Variants in KAZN observed in about 807,000 individuals in gnomAD.
KAZN encodes kazrin.
Under a neutral mutation model 87.4 loss-of-function variants are expected in KAZN, and 40 were observed. The ratio of observed to expected loss-of-function variants is 0.46; its 90% CI spans 0.36 to 0.60. The LOEUF is 0.60. Among genes scored for constraint, KAZN ranks in the 20% least tolerant of loss-of-function variants. KAZN has a pLI of 0.00. For missense variants in KAZN, 898 were observed against 1,073.9 expected, an observed-to-expected ratio of 0.84 and a Z score of 2.29; for synonymous variants, 466 against 458.3, an observed-to-expected ratio of 1.02 and a Z score of -0.22.
chr1:15,011,853 A>G (rs1429588574), intron 2 of KAZN, among the ~76,000 whole-genome samples: 1 of 152,144 alleles, frequency 6.6e-6, no homozygotes, highest in Non-Finnish European at 1.5e-5. Flanking sequence ...CTTTAGGACC[A>G]AAAAGAGGAA....
intron 3 of KAZN, among the ~76,000 whole-genome samples, 155 bp from the exon 4 acceptor site, chr1:15,043,834 G>A (rs567224245): frequency 2.6e-4 from 40 of 151,764 alleles, no homozygotes; most frequent in African/African-American, 9.2e-4. Context: ...TAGTAGAGAC[G>A]GGGTTTCACC....
intron 1 of KAZN, among the ~76,000 whole-genome samples, chr1:13,924,037 G>A (rs113538788): frequency 0.032 from 4,880 of 152,206 alleles, 275 homozygotes; most frequent in African/African-American, 0.11. Flanking sequence ...AATATGGGGT[G>A]GTGGGGAAGA....
intron 2 of KAZN, among the ~76,000 whole-genome samples, chr1:14,977,134 G>A (rs1015547964): frequency 1.3e-5 from 2 of 152,208 alleles, no homozygotes; most frequent in Non-Finnish European, 1.5e-5. Flanking sequence ...TGGAGTCCTC[G>A]GGGCGGTGAT....
chr1:14,064,650 A>G (rs1298262264), intron 1 of KAZN, among the ~76,000 whole-genome samples: 2 of 149,034 alleles, frequency 1.3e-5, no homozygotes, highest in Non-Finnish European at 1.5e-5. Context: ...TTCCTGGGCC[A>G]GAGGGTGTGC....
intron 2 of KAZN, among the ~76,000 whole-genome samples, chr1:15,004,325 C>G (rs777842822): frequency 2.6e-5 from 4 of 152,200 alleles, no homozygotes; most frequent in African/African-American, 4.8e-5. Context: ...GCTTCCAGAG[C>G]TGAGGACGCC....
intron 2 of KAZN, among the ~76,000 whole-genome samples, chr1:14,294,702 C>A (rs1392168776): frequency 1.4e-5 from 2 of 146,086 alleles, no homozygotes; most frequent in South Asian, 4.4e-4. Flanking sequence ...AGGTTTTATA[C>A]TTCTGGAAAA....
At chr1:13,937,308 T>G (rs1640778594) in intron 1 of KAZN, among the ~76,000 whole-genome samples, 1 of 152,208 alleles carries the variant, frequency 6.6e-6, no homozygotes, top group Non-Finnish European at 1.5e-5. Flanking sequence ...CCACCCAAAG[T>G]GCTGGGATCA....
chr1:14,753,977 C>T (rs1415320490), intron 1 of KAZN, among the ~76,000 whole-genome samples: 3 of 152,188 alleles, frequency 2.0e-5, no homozygotes, highest in African/African-American at 7.2e-5. Flanking sequence ...AAGAGGGTGC[C>T]GCAAATGTGG....
intron 1 of KAZN, among the ~76,000 whole-genome samples, chr1:14,849,645 C>T (rs1236895940): frequency 1.3e-5 from 2 of 152,176 alleles, no homozygotes; most frequent in Non-Finnish European, 2.9e-5. Flanking sequence ...GCCTTCCTGT[C>T]GGTATTTCTA....
At chr1:14,332,165 C>G (rs1212756448) in intron 2 of KAZN, among the ~76,000 whole-genome samples, 2 of 152,218 alleles carry the variant, frequency 1.3e-5, no homozygotes, top group Admixed American at 6.5e-5. Context: ...TTTCCCGACC[C>G]TGGCTCTGGT....
intron 1 of KAZN, among the ~76,000 whole-genome samples, chr1:14,860,939 T>C (rs1202270152): frequency 6.6e-6 from 1 of 152,206 alleles, no homozygotes; most frequent in East Asian, 1.9e-4. Flanking sequence ...CAGATTCGAG[T>C]GGCTAAGCGT....
At chr1:14,145,659 C>T (rs918467806) in intron 1 of KAZN, among the ~76,000 whole-genome samples, 2 of 151,858 alleles carry the variant, frequency 1.3e-5, no homozygotes, top group African/African-American at 4.8e-5. Context: ...TGGCTCATTG[C>T]AACCTCTGTC....
chr1:14,432,418 G>A (rs1030124691), intron 2 of KAZN, among the ~76,000 whole-genome samples: 2 of 152,146 alleles, frequency 1.3e-5, no homozygotes, highest in Admixed American at 6.5e-5. Flanking sequence ...CCAGTCTCAC[G>A]AGCTTGTCTG....
chr1:14,129,957 G>A (rs1001983602), intron 1 of KAZN, among the ~76,000 whole-genome samples: 3 of 152,188 alleles, frequency 2.0e-5, no homozygotes, highest in African/African-American at 7.2e-5. Flanking sequence ...TCTGTATGCA[G>A]ATAATTGAGA....
At chr1:14,490,310 G>C (rs750780473) in intron 2 of KAZN, among the ~76,000 whole-genome samples, 1 of 152,074 alleles carries the variant, frequency 6.6e-6, no homozygotes, top group Non-Finnish European at 1.5e-5. Context: ...TGTTTTCTTT[G>C]AAGTTTGGCT....
chr1:14,854,179 A>T (rs746176908), intron 1 of KAZN, among the ~76,000 whole-genome samples: 1 of 152,166 alleles, frequency 6.6e-6, no homozygotes, highest in Non-Finnish European at 1.5e-5. Flanking sequence ...CAGGTGCAGA[A>T]ACTGAGGCAC....
chr1:13,961,602 A>G (rs1641756085), intron 1 of KAZN, among the ~76,000 whole-genome samples: 1 of 152,134 alleles, frequency 6.6e-6, no homozygotes, highest in Non-Finnish European at 1.5e-5. Flanking sequence ...ACAGTGGTAC[A>G]AGTAGATGTT....
At chr1:14,300,880 A>AG (rs1654504792) in intron 2 of KAZN, among the ~76,000 whole-genome samples, 1 of 152,178 alleles carries the variant, frequency 6.6e-6, no homozygotes, top group African/African-American at 2.4e-5. Flanking sequence ...CTGTGAACCA[A>AG]GGGGTAGGTA....
chr1:15,052,975 G>A (rs1334987446), intron 4 of KAZN, among the ~76,000 whole-genome samples: 1 of 152,158 alleles, frequency 6.6e-6, no homozygotes, highest in Admixed American at 6.5e-5. Flanking sequence ...ACTCCTTCCC[G>A]TGCTCCCTCC....
Sources: gnomAD v4.1 joint callset for allele counts (sites outside exome capture counted in the v4.1 genomes callset) on GRCh38, gnomAD v4.1.1 for gene constraint, MANE v1.5 for transcripts, NCBI Gene and HGNC (gene_info 2026-07-23, HGNC 2026-07-21) for gene names.